The following ADAM10 variants were observed in gnomAD, a reference collection of about 807,000 sequenced individuals.
The protein encoded by ADAM10 is disintegrin and metalloproteinase domain-containing protein 10.
ADAM10 carries 17 observed loss-of-function variants against 90.1 expected under a neutral mutation model. That is an observed-to-expected ratio of 0.19 (90% CI 0.13 to 0.28). The LOEUF is 0.28. ADAM10 is among the 10% of genes least tolerant of loss of function. ADAM10 has a pLI of 1.00. For synonymous variants in ADAM10, 310 were observed against 298.6 expected (o/e 1.04, Z -0.40); for missense variants, 610 against 914.3 (o/e 0.67, Z 4.29).
chr15:58,645,883 C>T (rs1363105585), intron 6 of ADAM10, among the ~76,000 whole-genome samples, 172 bp downstream of exon 6: 2 of 152,090 alleles, frequency 1.3e-5, no homozygotes, highest in Admixed American at 1.3e-4. Context: ...CTAAAATATC[C>T]CAACTGGTCT....
rs1013623735 is a variant in ADAM10, at chr15:58,673,781, C to A, written c.484+5343G>T. Among the ~76,000 whole-genome samples the A allele has an allele frequency of 3.3e-5, 5 of 151,694 alleles. No homozygotes were observed. In the South Asian group the frequency reaches 8.3e-4, roughly 25 times the overall value. ...ACAGAGTCTCACTCTGTCGCCCAGG[C>A]TGGAGTGCAGTGGCATGATCTCGGC... On this transcript the variant is annotated intron_variant, in intron 4 of 15. Coordinates refer to ENST00000260408, the MANE Select transcript of ADAM10 (RefSeq NM_001110.4).
At position 58,688,602 on chromosome 15, in the gene ADAM10, T is replaced by C. The variant is rs1897675779; in HGVS notation, c.207-6288A>G. Among the ~76,000 whole-genome samples, 3 of 150,998 alleles carry C rather than the reference T, an allele frequency of 2.0e-5. No homozygotes were observed. In the South Asian group the frequency reaches 6.2e-4, roughly 31 times the overall value. On this transcript the variant is annotated intron_variant, in intron 2 of 15. Coordinates refer to ENST00000260408, the MANE Select transcript of ADAM10 (RefSeq NM_001110.4). ...TTAGTGTCTATATATTGTAAATATGTTAAAGAATTATGGGGAAAATATAAG... is the reference window on the plus strand; with the variant it reads ...TTAGTGTCTATATATTGTAAATATGCTAAAGAATTATGGGGAAAATATAAG...
intron 11 of ADAM10, among the ~76,000 whole-genome samples, chr15:58,612,563 T>G (rs1004984765): frequency 1.3e-5 from 2 of 152,106 alleles, no homozygotes; most frequent in Non-Finnish European, 2.9e-5. Flanking sequence ...TACTTGCTGT[T>G]GCTGCACCTG....
chr15:58,723,382 G>C (rs1330497109), intron 1 of ADAM10, among the ~76,000 whole-genome samples: 1 of 151,970 alleles, frequency 6.6e-6, no homozygotes, highest in Non-Finnish European at 1.5e-5. Flanking sequence ...GAGGCAGAAA[G>C]AAAAGAAAAA....
intron 1 of ADAM10, among the ~76,000 whole-genome samples, chr15:58,730,080 C>T (rs1462585949): frequency 1.1e-4 from 16 of 151,350 alleles, no homozygotes; most frequent in African/African-American, 2.4e-4. Context: ...TTCCCAAAAT[C>T]GGAAAATTTA....
Position 58,701,512 on chromosome 15 carries a change from C to T in ADAM10, c.206+16065G>A, listed in dbSNP as rs149519848. 7.1e-4 allele frequency among the ~76,000 whole-genome samples: 108 copies of T among 152,282 alleles called. No homozygotes were observed. The Middle Eastern group carries it at 0.014, about 19-fold the overall frequency. On this transcript the variant is annotated intron_variant, in intron 2 of 15. Coordinates refer to ENST00000260408, the MANE Select transcript of ADAM10 (RefSeq NM_001110.4). Reference sequence around the variant, plus strand: ...AAATGCTGGCGAGAATGTGAAGCAACAGTAACTCTTCTATACTGTTGATAG... The same window carrying T: ...AAATGCTGGCGAGAATGTGAAGCAATAGTAACTCTTCTATACTGTTGATAG...
At chr15:58,618,013 T>C (rs1271707416) in intron 11 of ADAM10, among the ~76,000 whole-genome samples, 2 of 151,546 alleles carry the variant, frequency 1.3e-5, no homozygotes, top group East Asian at 1.9e-4. Flanking sequence ...CAAATACCAA[T>C]GACATTCTTC....
intron 3 of ADAM10, among the ~76,000 whole-genome samples, chr15:58,681,687 C>G (rs764431334): frequency 6.6e-5 from 10 of 152,088 alleles, no homozygotes; most frequent in Non-Finnish European, 1.3e-4. Flanking sequence ...ACTGATGCCC[C>G]CCAACATGCA....
chr15:58,597,542 T>A lies in ADAM10; in HGVS notation c.*5A>T. Reference sequence around the variant, plus strand: ...CACTAGGAAGAACCAAGGCAAAAGCTGCAGTTAGCGTCTCATGTGTCCCAT... The same window carrying A: ...CACTAGGAAGAACCAAGGCAAAAGCAGCAGTTAGCGTCTCATGTGTCCCAT... On this transcript the variant is annotated 3_prime_UTR_variant, in exon 16 of 16. Transcript: ENST00000260408. 1 of 1,614,184 alleles carries A rather than the reference T, an allele frequency of 6.2e-7. No individual in the cohort carries two copies. The highest frequency in any genetic ancestry group is 8.5e-7 in the Non-Finnish European group (1 of 1,180,026).
At position 58,688,792 on chromosome 15, in the gene ADAM10, C is replaced by A. The variant is rs1362043576; in HGVS notation, c.207-6478G>T. Among the ~76,000 whole-genome samples, 920 of 97,626 alleles carry A rather than the reference C, an allele frequency of 9.4e-3. 12 individuals are homozygous for A. The highest frequency in any genetic ancestry group is 0.052 in the African/African-American group (869 of 16,772). 64.0% of individuals were successfully genotyped at this position (97,626 alleles called of 152,430 possible). ...TATATATATATATATATATATCTCTCTCTCTCACTGGACTGACTTAAGAGC... is the reference window on the plus strand; with the variant it reads ...TATATATATATATATATATATCTCTATCTCTCACTGGACTGACTTAAGAGC... On this transcript the variant is annotated intron_variant, in intron 2 of 15. Coordinates refer to ENST00000260408, the MANE Select transcript of ADAM10 (RefSeq NM_001110.4).
At chr15:58,702,464 T>C (rs1283532976) in intron 2 of ADAM10, among the ~76,000 whole-genome samples, 3 of 152,170 alleles carry the variant, frequency 2.0e-5, no homozygotes, top group Non-Finnish European at 4.4e-5. Flanking sequence ...GGACTTGAAA[T>C]GTTCCCAACA....
chr15:58,593,180 T>A lies in ADAM10; in HGVS notation c.*4367A>T, dbSNP rs1894866570. The A allele has an allele frequency of 3.0e-5, 2 of 65,904 alleles. 1 individual carries two copies. Among genetic ancestry groups the A allele is most frequent in the Admixed American group, 3.6e-4 (2 of 5,536 alleles). The allele number at this position is 65,904 out of a possible 1,614,324, so 4.1% of individuals were successfully genotyped here. ...TTTTTTTTTTTTTTTTTTTTTTTTT[T>A]TTTTTTTTTTTTTTTTTGAGACAGA... is the stretch of plus-strand genomic sequence containing the variant. On this transcript the variant is annotated 3_prime_UTR_variant, in exon 16 of 16. Transcript: ENST00000260408.
intron 14 of ADAM10, among the ~76,000 whole-genome samples, chr15:58,604,057 A>T (rs138980721): frequency 3.3e-5 from 5 of 152,202 alleles, no homozygotes; most frequent in African/African-American, 1.2e-4. Context: ...CTCTACTTCT[A>T]CTAATTCTTA....
At chr15:58,625,534 G>GATC (rs1461725382) in intron 10 of ADAM10, among the ~76,000 whole-genome samples, 1 of 152,304 alleles carries the variant, frequency 6.6e-6, no homozygotes, top group East Asian at 1.9e-4. Flanking sequence ...AGAGAAACTG[G>GATC]ATCATTTGTG....
At position 58,633,677 on chromosome 15, in the gene ADAM10, G is replaced by T. The variant is rs534273501; in HGVS notation, c.1013-318C>A. Among the ~76,000 whole-genome samples, 79 of 152,130 alleles carry T rather than the reference G, an allele frequency of 5.2e-4. 1 individual carries two copies. Among genetic ancestry groups the T allele is most frequent in the African/African-American group, 1.8e-3 (74 of 41,530 alleles). On this transcript the variant is annotated intron_variant, in intron 8 of 15. Transcript: ENST00000260408. ...AAATATTTACATTTCCTTTCAATTT[G>T]AATATATCAGTATTTACACTAAGTC...
rs942854893 is a variant in ADAM10, at chr15:58,685,058, C to T, written c.207-2744G>A. The stretch of plus-strand genomic sequence containing the variant: ...AGTTAATTTGCTTATGGTACATAAT[C>T]GTATTTATGGGTATACCCATATAAC... On this transcript the variant is annotated intron_variant, in intron 2 of 15. Transcript: ENST00000260408. 1.4e-4 allele frequency among the ~76,000 whole-genome samples: 21 copies of T among 150,272 alleles called. 1 individual carries two copies. Among genetic ancestry groups the T allele is most frequent in the Admixed American group, 3.3e-4 (5 of 15,008 alleles).
At chr15:58,623,787 G>C (rs1186108521) in intron 10 of ADAM10, among the ~76,000 whole-genome samples, 1 of 152,030 alleles carries the variant, frequency 6.6e-6, no homozygotes, top group Non-Finnish European at 1.5e-5. Context: ...CACAGGGAGG[G>C]GAACAACACA....
At chr15:58,648,476 G>C (rs570653976) in intron 5 of ADAM10, among the ~76,000 whole-genome samples, 1 of 152,200 alleles carries the variant, frequency 6.6e-6, no homozygotes, top group South Asian at 2.1e-4. Flanking sequence ...ATGTGTGAAA[G>C]ATTTTCTACT....
chr15:58,671,502 G>A (rs374719061), intron 4 of ADAM10, among the ~76,000 whole-genome samples: 4 of 152,228 alleles, frequency 2.6e-5, no homozygotes, highest in Admixed American at 6.5e-5. Flanking sequence ...GTTTAGCTCC[G>A]AGTATCTCTA....
Sources: gnomAD v4.1 joint callset for allele counts (sites outside exome capture counted in the v4.1 genomes callset) on GRCh38, gnomAD v4.1.1 for gene constraint, MANE v1.5 for transcripts, NCBI Gene and HGNC (gene_info 2026-07-23, HGNC 2026-07-21) for gene names.